The following FBN2 variants were observed in gnomAD, a reference collection of about 807,000 sequenced individuals.
The protein encoded by FBN2 is fibrillin-2.
Under a neutral mutation model 355.6 loss-of-function variants are expected in FBN2, and 105 were observed. That is an observed-to-expected ratio of 0.30 (90% CI 0.25 to 0.35). The LOEUF is 0.35. Among genes scored for constraint, FBN2 ranks in the 10% least tolerant of loss-of-function variants. The pLI, the probability that FBN2 is intolerant of heterozygous loss-of-function variation, is 1.00. For missense variants in FBN2, 3,280 were observed against 3,758.7 expected (o/e 0.87, Z 3.33); for synonymous variants, 1,350 against 1,301.2 (o/e 1.04, Z -0.81).
intron 7 of FBN2, among the ~76,000 whole-genome samples, chr5:128,416,134 T>C (rs1753191832): frequency 6.6e-6 from 1 of 151,842 alleles, no homozygotes; most frequent in South Asian, 2.1e-4. Context: ...CAAGCAATTC[T>C]CCTGCTTCGG....
At chr5:128,315,524 T>C (rs1750177264) in intron 36 of FBN2, among the ~76,000 whole-genome samples, 1 of 152,244 alleles carries the variant, frequency 6.6e-6, no homozygotes, top group African/African-American at 2.4e-5. Flanking sequence ...ATTTTGTTGA[T>C]GAGAGGACAG....
intron 48 of FBN2, among the ~76,000 whole-genome samples, chr5:128,299,434 C>CTGCTGCCTT (rs61307257): frequency 8.1e-6 from 1 of 122,944 alleles, no homozygotes; most frequent in African/African-American, 3.4e-5. Flanking sequence ...CCCCCAGCCT[C>CTGCTGCCTT]ACAGTTTGAT....
At chr5:128,462,953 G>GA (rs1754597701) in intron 6 of FBN2, among the ~76,000 whole-genome samples, 1 of 151,988 alleles carries the variant, frequency 6.6e-6, no homozygotes, top group African/African-American at 2.4e-5. Context: ...GTGAATAAGT[G>GA]AAAAAGATTT....
At chr5:128,409,633 T>C (rs1243754837) in intron 7 of FBN2, among the ~76,000 whole-genome samples, 2 of 152,058 alleles carry the variant, frequency 1.3e-5, no homozygotes, top group Admixed American at 6.6e-5. Flanking sequence ...AAAAAGGAAA[T>C]GAGTCATTGT....
rs948748533 is a variant in FBN2, at chr5:128,278,109, T to G, written c.7346-104A>C. 4 of 1,151,586 alleles carry G rather than the reference T, an allele frequency of 3.5e-6. No homozygotes were observed. The African/African-American group carries it at 6.1e-5, about 17-fold the overall frequency. 71.3% of individuals were successfully genotyped at this position (1,151,586 alleles called of 1,614,324 possible). ...AAGAAATGGAGATGACATAACTAAC[T>G]GCAAACATTCCTAATAGCACTGGAG... On this transcript the variant is annotated intron_variant, in intron 57 of 64. Transcript: ENST00000262464.
At chr5:128,270,665 CTAAAGAGCT>C (rs1470877953) in intron 62 of FBN2, among the ~76,000 whole-genome samples, 1 of 152,184 alleles carries the variant, frequency 6.6e-6, no homozygotes, top group Non-Finnish European at 1.5e-5. Flanking sequence ...TCTAATTAAG[CTAAAGAGCT>C]TCTGCATAGC....
rs771783042 is a variant in FBN2 at position 128,312,753 on chromosome 5, C to G, written c.4760G>C (p.Gly1587Ala). The part of the protein sequence containing the change: ...GNCYLKFGPR[G>A]DGSLSCNTEI... ...GGTGTTGCAAGACAGACTCCCATCTCCTCGAGGTCCAAACTTCAGGTAGCA... is the reference window on the plus strand; with the variant it reads ...GGTGTTGCAAGACAGACTCCCATCTGCTCGAGGTCCAAACTTCAGGTAGCA... Residue 1587 changes from glycine (G) to alanine (A), a missense_variant, in exon 37 of 65, where the codon GGA becomes GCA. Physicochemically the swap from Gly to Ala is moderately conservative, Grantham distance 60. This residue lies in a region of FBN2 where 2,284 missense variants were observed against 2,749.5 expected (regional missense o/e 0.83). Transcript: ENST00000262464. 2 of 1,613,934 alleles carry G rather than the reference C, an allele frequency of 1.2e-6. No individual in the cohort carries two copies. The highest frequency in any genetic ancestry group is 1.7e-6 in the Non-Finnish European group (2 of 1,180,000).
chr5:128,266,132 G>C (rs991716609), intron 62 of FBN2, among the ~76,000 whole-genome samples: 2 of 152,156 alleles, frequency 1.3e-5, no homozygotes, highest in Non-Finnish European at 2.9e-5. Flanking sequence ...ATATGTTTGA[G>C]TTAAAAATCT....
chr5:128,376,833 T>C lies in FBN2; in HGVS notation c.1870A>G (p.Thr624Ala). ...CACATTCCATTCAAACACATGTTGGTAGTTGTACATTCATCATGATCTGCA... is the reference window on the plus strand; with the variant it reads ...CACATTCCATTCAAACACATGTTGGCAGTTGTACATTCATCATGATCTGCA... ...NCVDHDECTT[T>A]NMCLNGMCIN... The change falls in exon 14 of 65, where the codon ACC becomes GCC. Residue 624 changes from threonine (T) to alanine (A), a missense_variant. Transcript: ENST00000262464. 1 of 1,613,472 alleles carries C rather than the reference T, an allele frequency of 6.2e-7. No homozygotes were observed. The highest frequency in any genetic ancestry group is 8.5e-7 in the Non-Finnish European group (1 of 1,179,612).
intron 7 of FBN2, among the ~76,000 whole-genome samples, chr5:128,421,776 T>A (rs1176793065): frequency 6.6e-6 from 1 of 152,202 alleles, no homozygotes; most frequent in Non-Finnish European, 1.5e-5. Flanking sequence ...GAAAAGCTAT[T>A]ACGTTTTAAG....
At chr5:128,359,969 A>C (rs1308303943) in intron 19 of FBN2, among the ~76,000 whole-genome samples, 1 of 152,132 alleles carries the variant, frequency 6.6e-6, no homozygotes, top group African/African-American at 2.4e-5. Context: ...CGTGTCTCTC[A>C]CAATAGCACC....
chr5:128,385,816 T>G (rs1752352525), intron 11 of FBN2, among the ~76,000 whole-genome samples: 2 of 152,184 alleles, frequency 1.3e-5, no homozygotes, highest in African/African-American at 2.4e-5. Flanking sequence ...TTTCATATGC[T>G]TTTTGTCTGC....
At chr5:128,335,061 A>C in intron 30 of FBN2, 109 bp downstream of exon 30, 2 of 1,512,008 alleles carry the variant, frequency 1.3e-6, no homozygotes, top group Non-Finnish European at 1.8e-6. Context: ...AATGATTTGA[A>C]TTTTTAAAAT....
chr5:128,446,714 T>C, intron 6 of FBN2, 108 bp from the exon 7 acceptor site: 1 of 1,231,812 alleles, frequency 8.1e-7, no homozygotes, highest in Non-Finnish European at 1.2e-6. Context: ...AAACTCAGTT[T>C]TTCTCAAGAG....
chr5:128,444,278 T>C (rs1333017164), intron 7 of FBN2, among the ~76,000 whole-genome samples: 3 of 151,364 alleles, frequency 2.0e-5, no homozygotes, highest in Non-Finnish European at 4.4e-5. Context: ...TTCACCTTGT[T>C]AGCCAGGATG....
intron 7 of FBN2, among the ~76,000 whole-genome samples, chr5:128,441,776 G>C (rs961209780): frequency 1.1e-4 from 17 of 152,110 alleles, no homozygotes; most frequent in Non-Finnish European, 1.9e-4. Context: ...ATTCGAGAGA[G>C]AGGGAATACA....
chr5:128,384,757 G>A (rs1292226861), intron 11 of FBN2, among the ~76,000 whole-genome samples: 1 of 151,954 alleles, frequency 6.6e-6, no homozygotes, highest in Non-Finnish European at 1.5e-5. Flanking sequence ...AATCTACTTG[G>A]GAAAACCAAG....
chr5:128,418,857 A>T (rs1753271710), intron 7 of FBN2, among the ~76,000 whole-genome samples: 1 of 152,136 alleles, frequency 6.6e-6, no homozygotes, highest in South Asian at 2.1e-4. Flanking sequence ...ATGAACTTTA[A>T]GATTAGTTCT....
At chr5:128,364,312 C>T (rs1035116720) in intron 18 of FBN2, among the ~76,000 whole-genome samples, 17 of 151,898 alleles carry the variant, frequency 1.1e-4, no homozygotes, top group African/African-American at 3.9e-4. Context: ...TCAAATTCTT[C>T]GTAAAAAATT....
Sources: gnomAD v4.1 joint callset for allele counts (sites outside exome capture counted in the v4.1 genomes callset) on GRCh38, gnomAD v4.1.1 for gene constraint, gnomAD v4.1.1 regional missense constraint, MANE v1.5 for transcripts, NCBI Gene and HGNC (gene_info 2026-07-23, HGNC 2026-07-21) for gene names.